The following LDB2 variants were observed in gnomAD, a reference collection of about 807,000 sequenced individuals.
LDB2 encodes LIM domain-binding protein 2.
Under a neutral mutation model 44.3 loss-of-function variants are expected in LDB2, and 12 were observed. The observed-to-expected ratio is 0.27, with a 90% confidence interval of 0.17 to 0.44. LDB2 has a LOEUF of 0.44. Among genes scored for constraint, LDB2 ranks in the 20% least tolerant of loss-of-function variants. LDB2 has a pLI of 1.00. For missense variants in LDB2, 344 were observed against 473.5 expected (o/e 0.73, Z 2.54); for synonymous variants, 164 against 174.8 (o/e 0.94, Z 0.49).
chr4:16,691,422 C>CTATTCTGTA (rs1750746951), intron 2 of LDB2, among the ~76,000 whole-genome samples: 1 of 152,092 alleles, frequency 6.6e-6, no homozygotes, highest in African/African-American at 2.4e-5. Context: ...GAGAAATAGG[C>CTATTCTGTA]TATTCTGTAA....
At chr4:16,666,066 C>A (rs1359857128) in intron 2 of LDB2, among the ~76,000 whole-genome samples, 1 of 152,160 alleles carries the variant, frequency 6.6e-6, no homozygotes, top group Non-Finnish European at 1.5e-5. Flanking sequence ...TCTGGCCCTG[C>A]AGAATTGTGA....
At chr4:16,895,842 T>C (rs1226722606) in intron 1 of LDB2, among the ~76,000 whole-genome samples, 2 of 152,216 alleles carry the variant, frequency 1.3e-5, no homozygotes, top group African/African-American at 4.8e-5. Flanking sequence ...TTGGTAAAGG[T>C]ATAGTGTAAC....
chr4:16,552,840 C>T (rs895898225), intron 5 of LDB2, among the ~76,000 whole-genome samples: 1 of 152,148 alleles, frequency 6.6e-6, no homozygotes, highest in South Asian at 2.1e-4. Flanking sequence ...AATGAACAAT[C>T]ACAAGGACTG....
Position 16,503,231 on chromosome 4 carries a change from G to C in LDB2, c.892-358C>G, listed in dbSNP as rs555550806. ...TGAGAGGGCTGTGGAACCTTCTGCTGGGTGCTTCTCAATACCTCCAAAAAT... is the reference window on the plus strand; with the variant it reads ...TGAGAGGGCTGTGGAACCTTCTGCTCGGTGCTTCTCAATACCTCCAAAAAT... On this transcript the variant is annotated intron_variant, in intron 7 of 7. Coordinates refer to ENST00000304523, the MANE Select transcript of LDB2 (RefSeq NM_001290.5). 5 of 1,260,882 alleles carry C rather than the reference G, an allele frequency of 4.0e-6. No homozygotes were observed. The South Asian group carries it at 4.0e-5, about 10-fold the overall frequency. The allele number at this position is 1,260,882 out of a possible 1,614,324, so 78.1% of individuals were successfully genotyped here. A position where few individuals can be genotyped will look rare whatever the true frequency, so the allele number is the denominator to read the frequency against.
rs768250856 is a variant in LDB2, at chr4:16,759,149, C to A, written c.235+9G>T. 16 of 1,592,520 alleles carry A rather than the reference C, an allele frequency of 1.0e-5. No individual in the cohort carries two copies. Among genetic ancestry groups the A allele is most frequent in the Admixed American group, 5.0e-5 (3 of 59,898 alleles). On this transcript the variant is annotated intron_variant, in intron 2 of 7. Transcript: ENST00000304523. ...GAGGTAATATTAGAAAAATAAACTT[C>A]TTTCTTACTGTATCGCTTTGGTCCA...
chr4:16,878,736 C>T (rs1719158900), intron 1 of LDB2, among the ~76,000 whole-genome samples: 1 of 152,234 alleles, frequency 6.6e-6, no homozygotes, highest in Admixed American at 6.5e-5. Flanking sequence ...TCAGCTCCCT[C>T]CTGCTACAGG....
At chr4:16,521,839 G>A (rs1303044467) in intron 5 of LDB2, among the ~76,000 whole-genome samples, 2 of 152,170 alleles carry the variant, frequency 1.3e-5, no homozygotes, top group Non-Finnish European at 1.5e-5. Flanking sequence ...TGAGGTGTGG[G>A]TTTTGTTTTC....
intron 1 of LDB2, among the ~76,000 whole-genome samples, chr4:16,796,285 C>CAAACA (rs550857143): frequency 0.018 from 2,688 of 152,188 alleles, 43 homozygotes; most frequent in Middle Eastern, 0.082. Context: ...CACTCTGTCT[C>CAAACA]AAACAAAACA....
chr4:16,581,218 C>A (rs1240076016), intron 5 of LDB2: 2 of 159,228 alleles, frequency 1.3e-5, no homozygotes, highest in African/African-American at 4.8e-5. Flanking sequence ...GTAATGAAAG[C>A]TCTGCGTGCA....
intron 1 of LDB2, among the ~76,000 whole-genome samples, chr4:16,770,636 G>C (rs1770464287): frequency 6.6e-6 from 1 of 152,140 alleles, no homozygotes; most frequent in South Asian, 2.1e-4. Context: ...CATCCTCTCT[G>C]ACTCATAAAT....
At chr4:16,775,298 G>T (rs1771645450) in intron 1 of LDB2, among the ~76,000 whole-genome samples, 1 of 152,138 alleles carries the variant, frequency 6.6e-6, no homozygotes, top group Non-Finnish European at 1.5e-5. Context: ...AGTTGCTGTG[G>T]ATATTAAATA....
Position 16,645,345 on chromosome 4 carries a change from G to A in LDB2, c.236-49470C>T, listed in dbSNP as rs572406058. 2.8e-3 allele frequency among the ~76,000 whole-genome samples: 423 copies of A among 151,694 alleles called. 1 individual carries two copies. Among genetic ancestry groups the A allele is most frequent in the African/African-American group, 1.0e-2 (412 of 41,344 alleles). On this transcript the variant is annotated intron_variant, in intron 2 of 7. Transcript: ENST00000304523. ...AGGTCAGGAGATCGAGACCATCCTG[G>A]CTAACAAGGTGAAACCCCGTCTCTA...
chr4:16,854,855 G>A (rs1010360787), intron 1 of LDB2, among the ~76,000 whole-genome samples: 2 of 151,798 alleles, frequency 1.3e-5, no homozygotes, highest in African/African-American at 2.4e-5. Context: ...ATTTTACTAC[G>A]TATGGATGCA....
chr4:16,679,555 C>G (rs542223552), intron 2 of LDB2, among the ~76,000 whole-genome samples: 8 of 152,246 alleles, frequency 5.3e-5, no homozygotes, highest in African/African-American at 1.9e-4. Flanking sequence ...GTTAAGTGAC[C>G]TGATCACAAT....
chr4:16,834,161 G>C (rs1784510416), intron 1 of LDB2, among the ~76,000 whole-genome samples: 1 of 152,102 alleles, frequency 6.6e-6, no homozygotes, highest in Non-Finnish European at 1.5e-5. Context: ...TACAAGGGAG[G>C]GCTTATTGTC....
At chr4:16,803,188 G>C (rs920823893) in intron 1 of LDB2, among the ~76,000 whole-genome samples, 4 of 152,076 alleles carry the variant, frequency 2.6e-5, no homozygotes, top group Admixed American at 6.5e-5. Context: ...ACTGACCCTA[G>C]TTTGTTGGTT....
rs182084139 is a variant in LDB2, at chr4:16,521,230, G to C, written c.616-9126C>G. 1.5e-3 allele frequency among the ~76,000 whole-genome samples: 225 copies of C among 152,252 alleles called. 2 individuals are homozygous for C. The highest frequency in any genetic ancestry group is 5.2e-3 in the African/African-American group (216 of 41,552). ...TGGAGGCTGGAAATCTGAAATCAAGGAGTAGGCAGGGCCGAGCTCCCTCTG... is the reference window on the plus strand; with the variant it reads ...TGGAGGCTGGAAATCTGAAATCAAGCAGTAGGCAGGGCCGAGCTCCCTCTG... On this transcript the variant is annotated intron_variant, in intron 5 of 7. Transcript: ENST00000304523.
chr4:16,797,816 C>A (rs980817810), intron 1 of LDB2, among the ~76,000 whole-genome samples: 1 of 151,802 alleles, frequency 6.6e-6, no homozygotes, highest in South Asian at 2.1e-4. Flanking sequence ...GTGAGCGGAT[C>A]ACAAGGTCAG....
At chr4:16,652,802 C>T (rs935239380) in intron 2 of LDB2, among the ~76,000 whole-genome samples, 14 of 152,178 alleles carry the variant, frequency 9.2e-5, no homozygotes, top group African/African-American at 3.4e-4. Flanking sequence ...GTCATTCACG[C>T]AGCTCCCCCG....
Sources: allele counts gnomAD v4.1 joint callset (sites outside exome capture counted in the v4.1 genomes callset), GRCh38; gene constraint gnomAD v4.1.1; transcripts MANE v1.5; gene names NCBI Gene and HGNC (gene_info 2026-07-23, HGNC 2026-07-21).